Variants in CSMD3 observed in about 807,000 individuals in gnomAD.
CSMD3 encodes CUB and sushi domain-containing protein 3.
A neutral mutation model predicts 435.2 loss-of-function variants in CSMD3; 177 were observed. The observed-to-expected ratio is 0.41, with a 90% CI of 0.36 to 0.46. The LOEUF is 0.46. Ranked by LOEUF, CSMD3 falls within the 20% of genes least tolerant of loss-of-function variation. CSMD3 has a pLI of 0.34. For missense variants in CSMD3, 4,265 were observed against 4,504.6 expected, an observed-to-expected ratio of 0.95 and a Z score of 1.52; for synonymous variants, 1,656 against 1,520.5, an observed-to-expected ratio of 1.09 and a Z score of -2.07.
chr8:113,257,637 T>A (rs1054505031), intron 3 of CSMD3, among the ~76,000 whole-genome samples: 1 of 152,178 alleles, frequency 6.6e-6, no homozygotes, highest in African/African-American at 2.4e-5. Flanking sequence ...AGGAGAAATT[T>A]GAAATATTTG....
chr8:112,577,057 T>C (rs951548545), intron 23 of CSMD3, among the ~76,000 whole-genome samples: 1 of 152,036 alleles, frequency 6.6e-6, no homozygotes, highest in Non-Finnish European at 1.5e-5. Flanking sequence ...GAAGCTCCAC[T>C]ATAATCATCA....
At chr8:112,749,352 C>T (rs1729279969) in intron 13 of CSMD3, among the ~76,000 whole-genome samples, 1 of 152,058 alleles carries the variant, frequency 6.6e-6, no homozygotes, top group Non-Finnish European at 1.5e-5. Context: ...TAATTAGATC[C>T]CATTTGACAG....
intron 2 of CSMD3, among the ~76,000 whole-genome samples, chr8:113,296,872 A>AG: frequency 6.6e-6 from 1 of 152,318 alleles, no homozygotes; most frequent in Middle Eastern, 3.4e-3. Context: ...TATCAAATAT[A>AG]AACTTCCAGA....
intron 38 of CSMD3, among the ~76,000 whole-genome samples, chr8:112,367,622 C>T (rs1411520387): frequency 6.6e-6 from 1 of 152,180 alleles, no homozygotes; most frequent in Non-Finnish European, 1.5e-5. Flanking sequence ...ATTTCATCTA[C>T]ACAACCACAA....
rs200765712 is a variant in CSMD3, at chr8:112,913,305, C to T, written c.1633+8322G>A. ...TCATAAGGAGCATGCAAACTAGATCCCTCACATGCACAGTTCACAATAGGG... is the reference window on the plus strand; with the variant it reads ...TCATAAGGAGCATGCAAACTAGATCTCTCACATGCACAGTTCACAATAGGG... On this transcript the variant is annotated intron_variant, in intron 10 of 70. Transcript: ENST00000297405. 2.0e-5 allele frequency among the ~76,000 whole-genome samples: 3 copies of T among 151,848 alleles called. No individual in the cohort carries two copies. In the East Asian group the frequency reaches 5.9e-4, roughly 30 times the overall value.
At chr8:113,008,760 T>C (rs1179412259) in intron 6 of CSMD3, among the ~76,000 whole-genome samples, 1 of 151,600 alleles carries the variant, frequency 6.6e-6, no homozygotes, top group East Asian at 1.9e-4. Flanking sequence ...ACATTCCATG[T>C]ATTTGTTTGA....
At chr8:113,393,045 A>G (rs2133163224) in intron 1 of CSMD3, among the ~76,000 whole-genome samples, 1 of 151,916 alleles carries the variant, frequency 6.6e-6, no homozygotes, top group Non-Finnish European at 1.5e-5. Flanking sequence ...GTATGTTTGT[A>G]TATTTTCTGA....
intron 3 of CSMD3, among the ~76,000 whole-genome samples, chr8:113,257,232 C>G (rs1487413003): frequency 6.6e-6 from 1 of 152,124 alleles, no homozygotes; most frequent in African/African-American, 2.4e-5. Context: ...CATGGTGAAA[C>G]CACCTCCCTA....
chr8:112,619,816 A>C (rs2131509078), intron 22 of CSMD3, among the ~76,000 whole-genome samples: 1 of 152,288 alleles, frequency 6.6e-6, no homozygotes, highest in East Asian at 1.9e-4. Flanking sequence ...TCTTAAAAAA[A>C]AAAATCACTT....
chr8:112,914,075 T>C (rs1468723023), intron 10 of CSMD3, among the ~76,000 whole-genome samples: 1 of 151,922 alleles, frequency 6.6e-6, no homozygotes, highest in Non-Finnish European at 1.5e-5. Flanking sequence ...AACAAAAGAA[T>C]GATTTCCAAA....
chr8:112,383,843 A>G (rs892757028), intron 36 of CSMD3, among the ~76,000 whole-genome samples, 180 bp from the exon 37 acceptor site: 1 of 152,150 alleles, frequency 6.6e-6, no homozygotes, highest in Non-Finnish European at 1.5e-5. Context: ...ACACGAGCTG[A>G]TTTTTATATA....
At chr8:112,765,638 T>G (rs532963345) in intron 13 of CSMD3, among the ~76,000 whole-genome samples, 6 of 151,818 alleles carry the variant, frequency 4.0e-5, no homozygotes, top group Admixed American at 3.3e-4. Flanking sequence ...AATAAACATT[T>G]TCAAAAGCCT....
At chr8:113,414,907 A>T (rs1183774307) in intron 1 of CSMD3, among the ~76,000 whole-genome samples, 16 of 152,132 alleles carry the variant, frequency 1.1e-4, no homozygotes, top group Admixed American at 1.0e-3. Flanking sequence ...CAGAGGTTGG[A>T]GTCAGCTGAG....
At chr8:113,180,483 T>C (rs927120027) in intron 3 of CSMD3, among the ~76,000 whole-genome samples, 13 of 152,016 alleles carry the variant, frequency 8.6e-5, no homozygotes, top group Non-Finnish European at 1.6e-4. Flanking sequence ...TTTATTTCTA[T>C]ATACATTTAC....
At chr8:112,982,826 T>C (rs951952374) in intron 6 of CSMD3, among the ~76,000 whole-genome samples, 4 of 152,084 alleles carry the variant, frequency 2.6e-5, no homozygotes, top group Non-Finnish European at 5.9e-5. Flanking sequence ...TTGTATTTAA[T>C]TAATACTTAA....
Position 112,656,147 on chromosome 8 carries a change from T to C in CSMD3, c.3004+7A>G, listed in dbSNP as rs2075252201. 1 of 1,481,164 alleles carries C rather than the reference T, an allele frequency of 6.8e-7. No individual in the cohort carries two copies. Among genetic ancestry groups the C allele is most frequent in the African/African-American group, 1.4e-5 (1 of 72,276 alleles). 91.8% of individuals were successfully genotyped at this position (1,481,164 alleles called of 1,614,324 possible). On this transcript the variant is annotated splice_region_variant and intron_variant, in intron 18 of 70. Transcript: ENST00000297405. ...TGAGGAAATCAAAAAGTTTTATCAT[T>C]ACTTACTTTCATAATGAATCTTGAA...
At chr8:113,268,283 T>C (rs941212845) in intron 3 of CSMD3, among the ~76,000 whole-genome samples, 5 of 151,896 alleles carry the variant, frequency 3.3e-5, no homozygotes, top group African/African-American at 4.8e-5. Flanking sequence ...GATCAAATTT[T>C]GACAAATGGT....
intron 4 of CSMD3, among the ~76,000 whole-genome samples, chr8:113,112,474 TACACACACACACAC>T (rs10587896): frequency 2.1e-5 from 2 of 96,526 alleles, no homozygotes; most frequent in South Asian, 3.8e-4. Context: ...CACACACACG[TACACACACACACAC>T]ACACACACAC....
chr8:113,357,601 T>C (rs1327461466), intron 1 of CSMD3, among the ~76,000 whole-genome samples: 1 of 152,232 alleles, frequency 6.6e-6, no homozygotes, highest in Admixed American at 6.5e-5. Flanking sequence ...TTGTTTTATA[T>C]ATTATTGTCT....
Sources: allele counts gnomAD v4.1 joint callset (sites outside exome capture counted in the v4.1 genomes callset), GRCh38; gene constraint gnomAD v4.1.1; transcripts MANE v1.5; gene names NCBI Gene and HGNC (gene_info 2026-07-23, HGNC 2026-07-21).